Variants in CDH12 observed in about 807,000 individuals in gnomAD.
The protein encoded by CDH12 is cadherin-12.
A neutral mutation model predicts 74.1 loss-of-function variants in CDH12; 41 were observed. That is an observed-to-expected ratio of 0.55 (90% CI 0.43 to 0.72). The LOEUF (loss-of-function observed/expected upper bound fraction) is 0.72. Ranked by LOEUF, CDH12 falls within the 30% of genes least tolerant of loss-of-function variation. The pLI is 0.00. For missense variants in CDH12, 945 were observed against 977.2 expected (o/e 0.97, Z 0.44); for synonymous variants, 399 against 355.0 (o/e 1.12, Z -1.39).
At chr5:21,770,550 G>A (rs1451265968) in intron 11 of CDH12, among the ~76,000 whole-genome samples, 4 of 151,836 alleles carry the variant, frequency 2.6e-5, no homozygotes, top group African/African-American at 9.7e-5. Flanking sequence ...CCCGAGAGGT[G>A]GAGGTAACAG....
chr5:22,806,645 C>A (rs1009091342), intron 1 of CDH12, among the ~76,000 whole-genome samples: 1 of 152,120 alleles, frequency 6.6e-6, no homozygotes, highest in Non-Finnish European at 1.5e-5. Context: ...TGAGCCACCG[C>A]GCCCGGCCTA....
chr5:22,779,970 A>C (rs1747304990), intron 1 of CDH12, among the ~76,000 whole-genome samples: 1 of 152,212 alleles, frequency 6.6e-6, no homozygotes, highest in African/African-American at 2.4e-5. Context: ...ATACATTTTA[A>C]ATAAATTATG....
At chr5:22,493,562 G>T (rs1257427831) in intron 2 of CDH12, among the ~76,000 whole-genome samples, 1 of 65,004 alleles carries the variant, frequency 1.5e-5, no homozygotes, top group Non-Finnish European at 3.0e-5. Context: ...TAGTTTTTTT[G>T]GTTTTTTTTG....
In CDH12 at chr5:22,212,652, A is replaced by G. The variant is rs1751607806; in HGVS notation, c.-332-9T>C. The G allele has an allele frequency of 2.1e-6, 2 of 955,592 alleles. No individual in the cohort carries two copies. The highest frequency in any genetic ancestry group is 5.4e-4 in the Middle Eastern group (1 of 1,840). The allele number at this position is 955,592 out of a possible 1,614,324, so 59.2% of individuals were successfully genotyped here. A position where few individuals can be genotyped will look rare whatever the true frequency, so the allele number is the denominator to read the frequency against. ...GTTGAGCTCCTCACTGTCTAAGGAG[A>G]GAAAAACATCAGCTGAAATCCTCCG... is the stretch of plus-strand genomic sequence containing the variant. On this transcript the variant is annotated splice_polypyrimidine_tract_variant and intron_variant, in intron 3 of 14. Transcript: ENST00000382254.
chr5:22,804,073 A>G (rs1469935959), intron 1 of CDH12, among the ~76,000 whole-genome samples: 1 of 152,218 alleles, frequency 6.6e-6, no homozygotes, highest in East Asian at 1.9e-4. Flanking sequence ...TGTATTAAAG[A>G]ATAGAAATAT....
At chr5:22,705,427 T>G (rs1164377221) in intron 1 of CDH12, among the ~76,000 whole-genome samples, 1 of 151,236 alleles carries the variant, frequency 6.6e-6, no homozygotes, top group Non-Finnish European at 1.5e-5. Context: ...CTGTCTAGTT[T>G]CCATTTCACA....
At chr5:22,157,585 C>T (rs1580338299) in intron 4 of CDH12, among the ~76,000 whole-genome samples, 1 of 116,350 alleles carries the variant, frequency 8.6e-6, no homozygotes, top group Admixed American at 9.8e-5. Context: ...CTCATAAAAT[C>T]TGAAAAAAAA....
At chr5:22,770,322 C>T (rs1370114461) in intron 1 of CDH12, among the ~76,000 whole-genome samples, 1 of 152,042 alleles carries the variant, frequency 6.6e-6, no homozygotes. Context: ...AAAACATATA[C>T]GAATTCTCTG....
At chr5:22,750,182 G>A (rs190025489) in intron 1 of CDH12, among the ~76,000 whole-genome samples, 1 of 152,144 alleles carries the variant, frequency 6.6e-6, no homozygotes, top group African/African-American at 2.4e-5. Flanking sequence ...TCCCTGGAGA[G>A]ATTAGGAAAG....
chr5:22,541,833 A>G (rs1738114275), intron 1 of CDH12, among the ~76,000 whole-genome samples: 1 of 152,212 alleles, frequency 6.6e-6, no homozygotes, highest in Non-Finnish European at 1.5e-5. Flanking sequence ...CAAAGATAAC[A>G]CACCTGCCAA....
chr5:22,698,730 T>C lies in CDH12; in HGVS notation c.-523+154328A>G, dbSNP rs868602603. Reference sequence around the variant, plus strand: ...ATATATATATATATATATATATATATATATAGTGTGTGTGTGTGTGTGTGT... The same window carrying C: ...ATATATATATATATATATATATATACATATAGTGTGTGTGTGTGTGTGTGT... On this transcript the variant is annotated intron_variant, in intron 1 of 14. Transcript: ENST00000382254. Among the ~76,000 whole-genome samples, 68 of 14,770 alleles carry C rather than the reference T, an allele frequency of 4.6e-3. 3 individuals carry two copies. In the South Asian group the frequency reaches 0.046, roughly 10 times the overall value. The allele number at this position is 14,770 out of a possible 152,430, so 9.7% of individuals were successfully genotyped here.
chr5:22,097,875 A>G (rs1304491081), intron 4 of CDH12, among the ~76,000 whole-genome samples: 1 of 152,100 alleles, frequency 6.6e-6, no homozygotes, highest in Non-Finnish European at 1.5e-5. Context: ...GTTATCTCTC[A>G]CCTGCTACAG....
intron 3 of CDH12, among the ~76,000 whole-genome samples, chr5:22,315,275 C>CT (rs1465211523): frequency 1.3e-5 from 2 of 151,492 alleles, no homozygotes; most frequent in Non-Finnish European, 2.9e-5. Context: ...GCTGTTTGTT[C>CT]TTTTACACAA....
chr5:22,348,496 G>A (rs1468026226), intron 3 of CDH12, among the ~76,000 whole-genome samples: 1 of 152,124 alleles, frequency 6.6e-6, no homozygotes. Context: ...TATTTTTAAA[G>A]AAAACTAGAT....
chr5:22,678,361 C>A (rs946038737), intron 1 of CDH12, among the ~76,000 whole-genome samples: 1 of 152,002 alleles, frequency 6.6e-6, no homozygotes, highest in African/African-American at 2.4e-5. Context: ...AAATAATAAA[C>A]TTAACAATAT....
intron 3 of CDH12, among the ~76,000 whole-genome samples, chr5:22,284,118 G>C (rs1337111415): frequency 3.3e-5 from 5 of 152,252 alleles, no homozygotes; most frequent in Admixed American, 2.6e-4. Context: ...CGATGTGACA[G>C]AGTATAAAAA....
At chr5:22,097,506 A>G (rs1022924602) in intron 4 of CDH12, among the ~76,000 whole-genome samples, 7 of 152,066 alleles carry the variant, frequency 4.6e-5, no homozygotes, top group Non-Finnish European at 8.8e-5. Context: ...GCTTCTAAAC[A>G]TCTTTAAACT....
intron 5 of CDH12, among the ~76,000 whole-genome samples, chr5:21,984,431 G>A (rs1341489487): frequency 5.3e-5 from 8 of 152,096 alleles, no homozygotes; most frequent in African/African-American, 1.9e-4. Context: ...CAAATTTTAT[G>A]CCTTTTCTTT....
intron 1 of CDH12, among the ~76,000 whole-genome samples, chr5:22,832,564 A>T (rs1351414372): frequency 1.3e-5 from 2 of 152,204 alleles, no homozygotes; most frequent in Admixed American, 1.3e-4. Context: ...TGTCAATGAG[A>T]GACACCCCTG....
Sources: gnomAD v4.1 joint callset for allele counts (sites outside exome capture counted in the v4.1 genomes callset) on GRCh38, gnomAD v4.1.1 for gene constraint, MANE v1.5 for transcripts, NCBI Gene and HGNC (gene_info 2026-07-23, HGNC 2026-07-21) for gene names.